VRK1: variants seen among roughly 807,000 people sequenced by gnomAD.
The protein encoded by VRK1 is VRK serine/threonine kinase 1.
A neutral mutation model predicts 57.1 loss-of-function variants in VRK1; 33 were observed. The ratio of observed to expected loss-of-function variants is 0.58; its 90% CI spans 0.44 to 0.77. The LOEUF (loss-of-function observed/expected upper bound fraction) is 0.77, where lower values mean the gene tolerates loss of function less well. VRK1 is among the 30% of genes least tolerant of loss of function. The pLI is 0.00. For synonymous variants in VRK1, 137 were observed against 147.8 expected (o/e 0.93, Z 0.53); for missense variants, 413 against 477.3 (o/e 0.87, Z 1.25).
rs1040782948 is a variant in VRK1, at chr14:96,853,247, T to C, written c.576+81T>C. ...TGGTTGCTTTGAACTTTTGAACCTG[T>C]GTAGAAGTTTTACTTTTTGAAGTAG... On this transcript the variant is annotated intron_variant, in intron 7 of 12. Coordinates refer to ENST00000216639, the MANE Select transcript of VRK1 (RefSeq NM_003384.3). The C allele has an allele frequency of 3.2e-6, 4 of 1,257,588 alleles. No homozygotes were observed. In the African/African-American group the frequency reaches 4.4e-5, roughly 14 times the overall value. 77.9% of individuals were successfully genotyped at this position (1,257,588 alleles called of 1,614,324 possible). A position where few individuals can be genotyped will look rare whatever the true frequency, so the allele number is the denominator to read the frequency against.
chr14:96,862,657 T>C (rs1381179430), intron 11 of VRK1, among the ~76,000 whole-genome samples: 1 of 152,088 alleles, frequency 6.6e-6, no homozygotes, highest in Non-Finnish European at 1.5e-5. Flanking sequence ...GGATGAGAAG[T>C]TGGGGGCTCC....
intron 11 of VRK1, among the ~76,000 whole-genome samples, chr14:96,874,010 A>C (rs1446193344): frequency 1.1e-4 from 17 of 152,174 alleles, no homozygotes; most frequent in Non-Finnish European, 2.5e-4. Flanking sequence ...CATGGAGATT[A>C]AGAAAGCCCC....
chr14:96,857,734 C>A (rs1368863259), intron 10 of VRK1, among the ~76,000 whole-genome samples: 1 of 152,108 alleles, frequency 6.6e-6, no homozygotes, highest in African/African-American at 2.4e-5. Flanking sequence ...TCAGTTGTCT[C>A]CTTTTCAGGG....
chr14:96,855,278 A>G lies in VRK1; in HGVS notation c.631A>G (p.Lys211Glu), dbSNP rs1057273812. The G allele has an allele frequency of 6.2e-7, 1 of 1,613,974 alleles. No homozygotes were observed. Among genetic ancestry groups the G allele is most frequent in the African/African-American group, 1.3e-5 (1 of 74,910 alleles). Reference sequence around the variant, plus strand: ...TCGGTACTGCCCAGAAGGAGTTCATAAAGAATACAAAGAAGACCCCAAAAG... The same window carrying G: ...TCGGTACTGCCCAGAAGGAGTTCATGAAGAATACAAAGAAGACCCCAAAAG... ...AYRYCPEGVH[K>E]EYKEDPKRCH... Residue 211 changes from lysine (K) to glutamate (E), a missense_variant, in exon 8 of 13, where the codon AAA (lysine) becomes GAA (glutamate). By Grantham distance (56) the Lys-to-Glu change is moderately conservative. Transcript: ENST00000216639.
chr14:96,858,102 C>G (rs1167714619), intron 10 of VRK1, among the ~76,000 whole-genome samples: 2 of 152,020 alleles, frequency 1.3e-5, no homozygotes, highest in Non-Finnish European at 2.9e-5. Flanking sequence ...CAGGGTCTCA[C>G]TCTGTTGCCC....
intron 1 of VRK1, among the ~76,000 whole-genome samples, chr14:96,821,330 G>A (rs1221977581): frequency 6.6e-6 from 1 of 152,146 alleles, no homozygotes; most frequent in Non-Finnish European, 1.5e-5. Context: ...AAAGTCTAGA[G>A]TAAGAGATGA....
At chr14:96,833,044 TTA>T (rs1887070084) in intron 1 of VRK1, among the ~76,000 whole-genome samples, 1 of 152,200 alleles carries the variant, frequency 6.6e-6, no homozygotes, top group African/African-American at 2.4e-5. Flanking sequence ...CTCAGTTGCC[TTA>T]TGTTTTCAAT....
chr14:96,846,224 C>A, intron 4 of VRK1, 60 bp downstream of exon 4: 1 of 1,488,634 alleles, frequency 6.7e-7, no homozygotes, highest in Non-Finnish European at 9.4e-7. Context: ...TTGTTTTAAG[C>A]CAAGACCTAG....
chr14:96,867,699 A>G (rs1182442472), intron 11 of VRK1, among the ~76,000 whole-genome samples: 1 of 151,966 alleles, frequency 6.6e-6, no homozygotes, highest in African/African-American at 2.4e-5. Flanking sequence ...TCTTTTCTCC[A>G]TGTCTCCTAA....
chr14:96,808,030 T>C (rs1306948064), intron 1 of VRK1, among the ~76,000 whole-genome samples: 26 of 128,346 alleles, frequency 2.0e-4, no homozygotes, highest in South Asian at 4.7e-4. Flanking sequence ...TGTGTGTGTG[T>C]GTGTGTGTGT....
rs902885034 is a variant in VRK1 at position 96,859,039 on chromosome 14, A to T, written c.890-1518A>T. On this transcript the variant is annotated intron_variant, in intron 10 of 12. Transcript: ENST00000216639. ...AGTCCACTTATATGGTATATATTTTATTAAATTTGGTCTGTCTTAATTTCT... is the reference window on the plus strand; with the variant it reads ...AGTCCACTTATATGGTATATATTTTTTTAAATTTGGTCTGTCTTAATTTCT... 4.6e-5 allele frequency: 7 copies of T among 152,248 alleles called. No homozygotes were observed. The South Asian group carries it at 1.5e-3, about 32-fold the overall frequency. 9.4% of individuals were successfully genotyped at this position (152,248 alleles called of 1,614,324 possible).
chr14:96,820,671 TAA>T (rs1384484555), intron 1 of VRK1, among the ~76,000 whole-genome samples: 2 of 152,178 alleles, frequency 1.3e-5, no homozygotes, highest in Non-Finnish European at 2.9e-5. Context: ...CCAAAAAACA[TAA>T]AGTGAGAAAT....
intron 1 of VRK1, among the ~76,000 whole-genome samples, chr14:96,822,776 C>T (rs1011105224): frequency 6.6e-6 from 1 of 152,136 alleles, no homozygotes; most frequent in Non-Finnish European, 1.5e-5. Context: ...ACAGCAAGTT[C>T]CAAACCTTGT....
At position 96,847,295 on chromosome 14, in the gene VRK1, G is replaced by A; in HGVS notation, c.325G>A (p.Gly109Ser). 2.5e-6 allele frequency: 4 copies of A among 1,613,678 alleles called. No individual in the cohort carries two copies. Among genetic ancestry groups the A allele is most frequent in the Non-Finnish European group, 3.4e-6 (4 of 1,179,716 alleles). Reference sequence around the variant, plus strand: ...TCGTACCCGTAAGCTGAAGTACCTGGGTGTTCCTAAGTATTGGGGGTCTGG... The same window carrying A: ...TCGTACCCGTAAGCTGAAGTACCTGAGTGTTCCTAAGTATTGGGGGTCTGG... ...WIRTRKLKYL[G>S]VPKYWGSGLH... The change falls in exon 5 of 13, where the codon GGT becomes AGT. Residue 109 changes from glycine to serine, a missense_variant. Transcript: ENST00000216639.
intron 11 of VRK1, among the ~76,000 whole-genome samples, chr14:96,875,619 C>T (rs989524370): frequency 1.3e-5 from 2 of 152,290 alleles, no homozygotes; most frequent in East Asian, 3.9e-4. Context: ...ATTATCCTCT[C>T]CACCCCACCC....
intron 2 of VRK1, 71 bp from the exon 3 acceptor site, chr14:96,837,691 T>C (rs1236663973): frequency 6.9e-6 from 7 of 1,009,934 alleles, no homozygotes; most frequent in African/African-American, 6.7e-5. Context: ...GTTACAGATA[T>C]ACAAACCTAA....
intron 11 of VRK1, among the ~76,000 whole-genome samples, chr14:96,872,541 A>G (rs1015737384): frequency 2.0e-5 from 3 of 152,364 alleles, no homozygotes; most frequent in South Asian, 2.1e-4. Flanking sequence ...TTAAGAACAC[A>G]GCAACTAGAA....
chr14:96,813,411 A>G (rs891131787), intron 1 of VRK1, among the ~76,000 whole-genome samples: 5 of 152,184 alleles, frequency 3.3e-5, no homozygotes, highest in African/African-American at 1.2e-4. Flanking sequence ...TTGGACTAGA[A>G]TCTAGAAGAT....
chr14:96,848,865 G>A (rs529953623), intron 5 of VRK1, among the ~76,000 whole-genome samples: 1 of 152,206 alleles, frequency 6.6e-6, no homozygotes, highest in African/African-American at 2.4e-5. Context: ...GCTCTCAAAG[G>A]GGTCTTTAAT....
Sources: gnomAD v4.1 joint callset for allele counts (sites outside exome capture counted in the v4.1 genomes callset) on GRCh38, gnomAD v4.1.1 for gene constraint, MANE v1.5 for transcripts, NCBI Gene and HGNC (gene_info 2026-07-23, HGNC 2026-07-21) for gene names.